The following CPXM2 variants were observed in gnomAD, a reference collection of about 807,000 sequenced individuals.
CPXM2 encodes the protein inactive carboxypeptidase-like protein X2.
CPXM2 carries 66 observed loss-of-function variants against 86.1 expected under a neutral mutation model. The ratio of observed to expected loss-of-function variants is 0.77; its 90% CI spans 0.63 to 0.94. The LOEUF (loss-of-function observed/expected upper bound fraction) is 0.94. Among genes scored for constraint, CPXM2 ranks in the 40% least tolerant of loss-of-function variants. The pLI is 0.00. For missense variants in CPXM2, 948 were observed against 1,026.3 expected, an observed-to-expected ratio of 0.92 and a Z score of 1.04; for synonymous variants, 388 against 400.2, an observed-to-expected ratio of 0.97 and a Z score of 0.36.
intron 12 of CPXM2, among the ~76,000 whole-genome samples, chr10:123,755,807 G>C (rs1271171180): frequency 6.6e-6 from 1 of 152,186 alleles, no homozygotes; most frequent in Non-Finnish European, 1.5e-5. Flanking sequence ...CGAGGACTGG[G>C]CATTTTATCC....
At chr10:123,813,969 C>T (rs1847750758) in intron 4 of CPXM2, among the ~76,000 whole-genome samples, 1 of 152,220 alleles carries the variant, frequency 6.6e-6, no homozygotes, top group Non-Finnish European at 1.5e-5. Context: ...CTGACAGAAA[C>T]TAGGCCAATC....
chr10:123,810,743 A>C (rs1309923411), intron 4 of CPXM2, among the ~76,000 whole-genome samples: 1 of 152,184 alleles, frequency 6.6e-6, no homozygotes, highest in African/African-American at 2.4e-5. Flanking sequence ...GAAACTGGAA[A>C]TGTGTCAATT....
At chr10:123,845,090 T>C (rs1848470941) in intron 3 of CPXM2, among the ~76,000 whole-genome samples, 1 of 149,594 alleles carries the variant, frequency 6.7e-6, no homozygotes, top group African/African-American at 2.5e-5. Flanking sequence ...AAAAATACAA[T>C]TAATTCCCCC....
At position 123,935,887 on chromosome 10, in the gene CPXM2, TCAC is replaced by T. The variant is rs954517294; in HGVS notation, n.174+3587_174+3589del. The stretch of plus-strand genomic sequence containing the variant: ...ACCATCACCACCATCCTTACCATCA[TCAC>T]CACCACCAACACCAGCATCTTCACC... On this transcript the variant is annotated intron_variant and non_coding_transcript_variant, in intron 2 of 19. Transcript: ENST00000368854. Among the ~76,000 whole-genome samples, 16 of 150,576 alleles carry T rather than the reference TCAC, an allele frequency of 1.1e-4. No individual in the cohort carries two copies. In the East Asian group the frequency reaches 1.6e-3, roughly 15 times the overall value.
At chr10:123,788,045 T>C (rs988468520) in intron 6 of CPXM2, among the ~76,000 whole-genome samples, 1 of 151,968 alleles carries the variant, frequency 6.6e-6, no homozygotes, top group Non-Finnish European at 1.5e-5. Flanking sequence ...TCTGGGAGGC[T>C]GAGGCGGGTG....
intron 2 of CPXM2, among the ~76,000 whole-genome samples, chr10:123,876,983 T>C (rs1304846228): frequency 6.6e-6 from 1 of 152,238 alleles, no homozygotes; most frequent in Non-Finnish European, 1.5e-5. Flanking sequence ...GTTAGTCTGA[T>C]CCCAAAGCTG....
intron 2 of CPXM2, among the ~76,000 whole-genome samples, chr10:123,918,713 A>C (rs1212830051): frequency 6.6e-6 from 1 of 152,132 alleles, no homozygotes; most frequent in Non-Finnish European, 1.5e-5. Context: ...GGCAATCCCC[A>C]GTCATGATGC....
At chr10:123,899,035 C>A (rs2134259074) in intron 2 of CPXM2, among the ~76,000 whole-genome samples, 1 of 152,284 alleles carries the variant, frequency 6.6e-6, no homozygotes, top group Admixed American at 6.5e-5. Flanking sequence ...CAGGCACCCG[C>A]CACCGCACCC....
At chr10:123,820,593 T>A (rs1847904812) in intron 4 of CPXM2, among the ~76,000 whole-genome samples, 1 of 152,224 alleles carries the variant, frequency 6.6e-6, no homozygotes, top group Non-Finnish European at 1.5e-5. Flanking sequence ...ACCTTCTGTA[T>A]CAGTGCTGCA....
At chr10:123,923,497 C>T (rs1041074146) in intron 2 of CPXM2, among the ~76,000 whole-genome samples, 6 of 150,364 alleles carry the variant, frequency 4.0e-5, no homozygotes, top group African/African-American at 1.2e-4. Flanking sequence ...AGGAGAATGG[C>T]GTGAACCCGG....
intron 4 of CPXM2, among the ~76,000 whole-genome samples, chr10:123,838,717 A>G (rs1848324640): frequency 6.6e-6 from 1 of 152,056 alleles, no homozygotes; most frequent in African/African-American, 2.4e-5. Context: ...AGAAAACTCA[A>G]ACTCTAATTC....
intron 3 of CPXM2, among the ~76,000 whole-genome samples, chr10:123,854,394 A>ATTATATATT (rs1848671322): frequency 8.3e-6 from 1 of 120,000 alleles, no homozygotes; most frequent in Non-Finnish European, 1.7e-5. Flanking sequence ...TAATATATAT[A>ATTATATATT]TTATATATAT....
At position 123,746,682 on chromosome 10, in the gene CPXM2, A is replaced by C; in HGVS notation, c.*82T>G. ...CTTCTTGAATTACAGAGGAAACAAC[A>C]GTGAGTGAGTCCACTATGGAGCTAC... On this transcript the variant is annotated 3_prime_UTR_variant, in exon 14 of 14. Coordinates refer to ENST00000241305, the MANE Select transcript of CPXM2 (RefSeq NM_198148.3). 2 of 1,315,816 alleles carry C rather than the reference A, an allele frequency of 1.5e-6. No individual in the cohort carries two copies. Among genetic ancestry groups the C allele is most frequent in the Admixed American group, 3.7e-5 (2 of 53,580 alleles). 81.5% of individuals were successfully genotyped at this position (1,315,816 alleles called of 1,614,324 possible). A position where few individuals can be genotyped will look rare whatever the true frequency, so the allele number is the denominator to read the frequency against.
chr10:123,777,261 A>T (rs962162538), intron 7 of CPXM2: 1 of 152,222 alleles, frequency 6.6e-6, no homozygotes, highest in East Asian at 1.9e-4. Flanking sequence ...TTCCACCCAT[A>T]TCACACTGTC....
intron 11 of CPXM2, among the ~76,000 whole-genome samples, chr10:123,760,295 T>TGGGTTTTTAGG (rs1846303672): frequency 6.6e-6 from 1 of 152,176 alleles, no homozygotes; most frequent in African/African-American, 2.4e-5. Context: ...TTTTGGTAGG[T>TGGGTTTTTAGG]GGGTTTTTAG....
In CPXM2 at chr10:123,842,442, C is replaced by G; in HGVS notation, c.560G>C (p.Gly187Ala). 1 of 1,614,250 alleles carries G rather than the reference C, an allele frequency of 6.2e-7. No individual in the cohort carries two copies. Residue 187 changes from glycine (G) to alanine (A), a missense_variant, in exon 4 of 14, where the codon GGA (glycine) becomes GCA (alanine). Transcript: ENST00000241305. Reference sequence around the variant, plus strand: ...AATCCACTGCTGGAGGTCATTTCTTCCCGCGCACCACGCTCCGTCATAAAA... The same window carrying G: ...AATCCACTGCTGGAGGTCATTTCTTGCCGCGCACCACGCTCCGTCATAAAA... ...NDFYDGAWCA[G>A]RNDLQQWIEV...
intron 10 of CPXM2, among the ~76,000 whole-genome samples, chr10:123,765,789 G>A (rs1296197654): frequency 6.6e-6 from 1 of 152,142 alleles, no homozygotes; most frequent in Admixed American, 6.5e-5. Flanking sequence ...GTTACTAAAG[G>A]AGCCCACCCT....
At chr10:123,863,206 C>A (rs551526603) in intron 2 of CPXM2, among the ~76,000 whole-genome samples, 2 of 152,316 alleles carry the variant, frequency 1.3e-5, no homozygotes, top group East Asian at 1.9e-4. Context: ...AATAAAACAC[C>A]AGTGCTTGAT....
intron 1 of CPXM2, among the ~76,000 whole-genome samples, chr10:123,880,878 T>C (rs773187989): frequency 3.4e-5 from 5 of 148,382 alleles, no homozygotes; most frequent in Non-Finnish European, 7.4e-5. Context: ...GGGTAGTACA[T>C]TTGACCCTCA....
Sources: gnomAD v4.1 joint callset for allele counts (sites outside exome capture counted in the v4.1 genomes callset) on GRCh38, gnomAD v4.1.1 for gene constraint, MANE v1.5 for transcripts, NCBI Gene and HGNC (gene_info 2026-07-23, HGNC 2026-07-21) for gene names.